Variants in GUCY2F observed in about 807,000 individuals in gnomAD.
GUCY2F encodes the protein guanylate cyclase 2F, retinal.
A neutral mutation model predicts 73.1 loss-of-function variants in GUCY2F; 61 were observed. The ratio of observed to expected loss-of-function variants is 0.83; its 90% CI spans 0.68 to 1.03. The LOEUF (loss-of-function observed/expected upper bound fraction) is 1.03, where lower values mean the gene tolerates loss of function less well. Among genes scored for constraint, GUCY2F ranks in the 50% least tolerant of loss-of-function variants. GUCY2F has a pLI of 0.00. For missense variants in GUCY2F, 912 were observed against 854.3 expected (o/e 1.07, Z -0.84); for synonymous variants, 331 against 307.8 (o/e 1.08, Z -0.79).
chrX:109,476,724 AGATAGAT>A (rs1438480056), intron 1 of GUCY2F, among the ~76,000 whole-genome samples: 3 of 26,488 alleles, frequency 1.1e-4, no homozygotes, highest in Non-Finnish European at 2.7e-4. Flanking sequence ...CCAGAGGTAA[AGATAGAT>A]AGATAGATAG....
chrX:109,391,879 T>C (rs1400817673), intron 14 of GUCY2F, 32 bp downstream of exon 14: 2 of 984,228 alleles, frequency 2.0e-6, no homozygotes, highest in East Asian at 6.4e-5. Context: ...AAAATTTCAC[T>C]ATGGAATATA....
intron 19 of GUCY2F, among the ~76,000 whole-genome samples, chrX:109,373,358 C>A (rs1930100091): frequency 9.0e-6 from 1 of 111,527 alleles, no homozygotes; most frequent in African/African-American, 3.3e-5. Context: ...GGTCAGGTTT[C>A]TAGCCAGTCC....
intron 3 of GUCY2F, among the ~76,000 whole-genome samples, chrX:109,462,654 G>A (rs973301979): frequency 8.9e-6 from 1 of 111,774 alleles, no homozygotes; most frequent in African/African-American, 3.3e-5. Flanking sequence ...GAAGGTCTGA[G>A]TTTTTATATC....
intron 6 of GUCY2F, among the ~76,000 whole-genome samples, chrX:109,446,323 G>C (rs1466666956): frequency 9.0e-6 from 1 of 111,661 alleles, no homozygotes; most frequent in Non-Finnish European, 1.9e-5. Context: ...CCAAGAGAAT[G>C]CTAAGCCCAA....
intron 2 of GUCY2F, among the ~76,000 whole-genome samples, chrX:109,473,364 C>T (rs12838712): frequency 0.26 from 29,168 of 110,858 alleles, 3,439 homozygotes; most frequent in Non-Finnish European, 0.36. Context: ...CATATTAAAA[C>T]AATGGGAACT....
At chrX:109,449,876 G>A (rs1932100161) in intron 5 of GUCY2F, among the ~76,000 whole-genome samples, 1 of 110,804 alleles carries the variant, frequency 9.0e-6, no homozygotes. Context: ...CCTTTGTTTT[G>A]GGGTGGTTGG....
chrX:109,479,471 C>G (rs1241104912), intron 1 of GUCY2F, among the ~76,000 whole-genome samples: 13 of 111,806 alleles, frequency 1.2e-4, no homozygotes, highest in Admixed American at 1.0e-3. Flanking sequence ...TACTCTAGGT[C>G]TCTCCTTTTT....
intron 1 of GUCY2F, 52 bp from the exon 2 acceptor site, chrX:109,476,073 G>T: frequency 2.2e-6 from 1 of 463,508 alleles, no homozygotes; most frequent in Non-Finnish European, 3.3e-6. Flanking sequence ...GAAGCTTCTG[G>T]AAATCATCGG....
chrX:109,472,531 T>A (rs1031466504), intron 2 of GUCY2F, among the ~76,000 whole-genome samples: 2 of 112,063 alleles, frequency 1.8e-5, no homozygotes, highest in Admixed American at 9.4e-5. Context: ...TCCAGATAGA[T>A]AACATCCAGG....
chrX:109,379,688 A>C (rs751200582), intron 17 of GUCY2F, among the ~76,000 whole-genome samples: 26 of 112,517 alleles, frequency 2.3e-4, no homozygotes, highest in African/African-American at 8.4e-4. Flanking sequence ...GGAGCCCCAC[A>C]CTTGTCAGAA....
intron 8 of GUCY2F, among the ~76,000 whole-genome samples, chrX:109,422,015 G>T (rs1246921504): frequency 9.0e-6 from 1 of 111,175 alleles, no homozygotes; most frequent in Non-Finnish European, 1.9e-5. Context: ...TAAAATCAAA[G>T]AACAGAAAAA....
chrX:109,392,811 G>A, intron 13 of GUCY2F, 81 bp downstream of exon 13: 3 of 609,438 alleles, frequency 4.9e-6, no homozygotes, highest in South Asian at 3.2e-5. Context: ...TAGTTGATGG[G>A]TAATTTTTTT....
intron 8 of GUCY2F, among the ~76,000 whole-genome samples, chrX:109,410,399 C>T (rs930085869): frequency 1.8e-5 from 2 of 112,320 alleles, no homozygotes; most frequent in Non-Finnish European, 3.8e-5. Context: ...ACTCATCTAC[C>T]TAGCATCTAT....
chrX:109,466,859 C>T (rs1418474025), intron 2 of GUCY2F, among the ~76,000 whole-genome samples: 2 of 112,109 alleles, frequency 1.8e-5, no homozygotes, highest in African/African-American at 6.5e-5. Context: ...TTTACACTTG[C>T]TAAGCACCCC....
chrX:109,419,091 T>G (rs1039044877), intron 8 of GUCY2F, among the ~76,000 whole-genome samples: 1 of 110,598 alleles, frequency 9.0e-6, no homozygotes, highest in East Asian at 2.8e-4. Context: ...GAATTTGTTT[T>G]CAAAAACATC....
chrX:109,418,163 C>T (rs947319442), intron 8 of GUCY2F, among the ~76,000 whole-genome samples: 1 of 111,313 alleles, frequency 9.0e-6, no homozygotes, highest in African/African-American at 3.2e-5. Context: ...CCAATATGTA[C>T]GTACTTAATA....
intron 9 of GUCY2F, among the ~76,000 whole-genome samples, chrX:109,405,234 T>C (rs769387940): frequency 2.7e-5 from 3 of 112,330 alleles, no homozygotes; most frequent in Non-Finnish European, 5.6e-5. Context: ...TGCATATAAA[T>C]ACACAAGAAA....
intron 12 of GUCY2F, among the ~76,000 whole-genome samples, chrX:109,393,306 G>A (rs1930618765): frequency 1.1e-5 from 1 of 87,594 alleles, no homozygotes; most frequent in Non-Finnish European, 2.1e-5. Flanking sequence ...GTTCTTTCAA[G>A]CCTGAGCAAA....
intron 10 of GUCY2F, among the ~76,000 whole-genome samples, chrX:109,403,361 A>G (rs886159099): frequency 5.4e-5 from 6 of 111,595 alleles, no homozygotes; most frequent in Non-Finnish European, 1.1e-4. Flanking sequence ...GTGAAAATTG[A>G]TGATATGAAC....
Sources: gnomAD v4.1 joint callset for allele counts (sites outside exome capture counted in the v4.1 genomes callset) on GRCh38, gnomAD v4.1.1 for gene constraint, MANE v1.5 for transcripts, NCBI Gene and HGNC (gene_info 2026-07-23, HGNC 2026-07-21) for gene names.